Variants in IQCE observed in about 807,000 individuals in gnomAD.
The protein encoded by IQCE is IQ domain-containing protein E.
In IQCE, 115 loss-of-function variants were observed where a neutral mutation model predicts 96.0. That is an observed-to-expected ratio of 1.20 (90% confidence interval 1.03 to 1.40). The LOEUF (loss-of-function observed/expected upper bound fraction) is 1.40. Among genes scored for constraint, IQCE ranks in the 40% most tolerant of loss-of-function variants. The probability of loss-of-function intolerance (pLI) is 0.00; values close to 1 mark genes in which losing one functional copy is unlikely to be tolerated. For synonymous variants in IQCE, 412 were observed against 371.2 expected (o/e 1.11, Z -1.26); for missense variants, 1,041 against 909.1 (o/e 1.15, Z -1.87).
At chr7:2,582,764 C>A in intron 9 of IQCE, 114 bp downstream of exon 9, 1 of 850,294 alleles carries the variant, frequency 1.2e-6, no homozygotes, top group East Asian at 2.7e-5. Flanking sequence ...CAGCCCAAAG[C>A]CGAAGGTGAA....
chr7:2,607,878 C>A (rs1308061799), intron 21 of IQCE, among the ~76,000 whole-genome samples: 3 of 152,190 alleles, frequency 2.0e-5, no homozygotes, highest in Non-Finnish European at 4.4e-5. Flanking sequence ...TGTTGAGACT[C>A]GGGACTGTCG....
intron 18 of IQCE, among the ~76,000 whole-genome samples, chr7:2,603,411 AG>A (rs1784569354): frequency 6.6e-6 from 1 of 152,122 alleles, no homozygotes; most frequent in African/African-American, 2.4e-5. Context: ...TGAGCGGGTG[AG>A]GGGATCCGGG....
At chr7:2,602,170 G>T (rs189575047) in intron 18 of IQCE, among the ~76,000 whole-genome samples, 21 of 152,146 alleles carry the variant, frequency 1.4e-4, no homozygotes, top group African/African-American at 4.8e-4. Context: ...GGTGGGCCTC[G>T]CAGGATACAT....
At chr7:2,569,920 G>A (rs1009580020) in intron 3 of IQCE, among the ~76,000 whole-genome samples, 1 of 152,156 alleles carries the variant, frequency 6.6e-6, no homozygotes, top group Admixed American at 6.5e-5. Flanking sequence ...CTAGCAATTT[G>A]GATTTTTGAT....
At chr7:2,604,441 A>G (rs1312438495) in intron 18 of IQCE, among the ~76,000 whole-genome samples, 1 of 152,240 alleles carries the variant, frequency 6.6e-6, no homozygotes, top group Non-Finnish European at 1.5e-5. Flanking sequence ...TTCAGGATAA[A>G]TAATTCTCTT....
In IQCE at chr7:2,586,718, G is replaced by A. The variant is rs1041102730; in HGVS notation, c.988+347G>A. Among the ~76,000 whole-genome samples, 13 of 152,340 alleles carry A rather than the reference G, an allele frequency of 8.5e-5. No individual in the cohort carries two copies. The South Asian group carries it at 1.0e-3, about 12-fold the overall frequency. Reference sequence around the variant, plus strand: ...CAGGTGGTGTGTGCAGCTGCAAGCAGGGTTGACAGGAAGGCACCCCCAAGA... The same window carrying A: ...CAGGTGGTGTGTGCAGCTGCAAGCAAGGTTGACAGGAAGGCACCCCCAAGA... On this transcript the variant is annotated intron_variant, in intron 12 of 21. Transcript: ENST00000402050.
rs1404655611 is a variant in IQCE, at chr7:2,602,179, A to G, written c.1632+715A>G. ...ATGCAAGGTGGGCCTCGCAGGATAC[A>G]TCAGAGCTCACTGGACCGGGAAGTG... On this transcript the variant is annotated intron_variant, in intron 18 of 21. Coordinates refer to ENST00000402050, the MANE Select transcript of IQCE (RefSeq NM_152558.5). Among the ~76,000 whole-genome samples the G allele has an allele frequency of 1.3e-5, 2 of 152,142 alleles. 1 individual carries two copies. Among genetic ancestry groups the G allele is most frequent in the East Asian group, 3.9e-4 (2 of 5,180 alleles).
intron 1 of IQCE, among the ~76,000 whole-genome samples, chr7:2,563,376 T>TTTGA (rs1781112873): frequency 4.3e-5 from 1 of 23,494 alleles, no homozygotes; most frequent in South Asian, 1.2e-3. Context: ...AATTTTTTGT[T>TTTGA]GTGTGTGTGT....
chr7:2,587,235 C>T (rs1049184267), intron 12 of IQCE, among the ~76,000 whole-genome samples: 3 of 150,930 alleles, frequency 2.0e-5, no homozygotes, highest in Non-Finnish European at 4.4e-5. Flanking sequence ...GGGGAAAGGC[C>T]ACGGGAGGTC....
At chr7:2,601,749 C>T (rs533506325) in intron 18 of IQCE, 71 of 371,178 alleles carry the variant, frequency 1.9e-4, no homozygotes, top group African/African-American at 1.2e-3. Flanking sequence ...GGGGTTTCTC[C>T]GTGTTGGCCA....
At chr7:2,591,364 A>G (rs1231416360) in intron 14 of IQCE, among the ~76,000 whole-genome samples, 1 of 152,050 alleles carries the variant, frequency 6.6e-6, no homozygotes, top group Non-Finnish European at 1.5e-5. Flanking sequence ...GTGGCCGTGG[A>G]ACACCCGGCC....
intron 1 of IQCE, among the ~76,000 whole-genome samples, chr7:2,562,455 T>C (rs187112879): frequency 1.5e-4 from 23 of 152,194 alleles, no homozygotes; most frequent in Admixed American, 1.4e-3. Flanking sequence ...TTGGGAAGCA[T>C]TTCCTTCTTT....
intron 21 of IQCE, among the ~76,000 whole-genome samples, chr7:2,607,975 GGGCTTT>G (rs1784951194): frequency 6.6e-6 from 1 of 152,188 alleles, no homozygotes; most frequent in African/African-American, 2.4e-5. Context: ...GTCAGGCGAA[GGGCTTT>G]GCTGTGCTGA....
intron 20 of IQCE, 108 bp downstream of exon 20, chr7:2,606,105 C>T (rs755527805): frequency 3.6e-4 from 473 of 1,305,624 alleles, no homozygotes; most frequent in Non-Finnish European, 4.6e-4. Flanking sequence ...ACTGGAGCAG[C>T]GCCTGCCGCC....
chr7:2,569,618 C>T (rs556252940), intron 3 of IQCE, among the ~76,000 whole-genome samples: 1 of 152,256 alleles, frequency 6.6e-6, no homozygotes, highest in African/African-American at 2.4e-5. Context: ...TACAGCAGCC[C>T]GTGTGCCGAC....
At chr7:2,569,832 A>G (rs762443707) in intron 3 of IQCE, among the ~76,000 whole-genome samples, 6 of 152,236 alleles carry the variant, frequency 3.9e-5, no homozygotes, top group African/African-American at 1.2e-4. Context: ...CAAGGAAAAC[A>G]TAATTAGGTA....
rs750256672 is a variant in IQCE at position 2,598,607 on chromosome 7, C to T, written c.1583C>T (p.Ala528Val). Residue 528 changes from alanine (A) to valine (V), a missense_variant, in exon 17 of 22, where the codon GCC (alanine) becomes GTC (valine). Transcript: ENST00000402050. ...RRDAAARVLQ[A>V]QWKVYKHKKK... ...GACGCCGCGGCCAGAGTCCTGCAGGCCCAGTGGAAGGTGTACAAGCACAAG... is the reference window on the plus strand; with the variant it reads ...GACGCCGCGGCCAGAGTCCTGCAGGTCCAGTGGAAGGTGTACAAGCACAAG... 15 of 1,585,074 alleles carry T rather than the reference C, an allele frequency of 9.5e-6. No homozygotes were observed. The African/African-American group carries it at 1.1e-4, about 11-fold the overall frequency.
chr7:2,585,494 G>A (rs1783026472), intron 11 of IQCE, among the ~76,000 whole-genome samples: 1 of 152,270 alleles, frequency 6.6e-6, no homozygotes, highest in Non-Finnish European at 1.5e-5. Flanking sequence ...CGTCTCCACG[G>A]GGGCCCACAC....
At position 2,613,445 on chromosome 7, in the gene IQCE, G is replaced by A. The variant is rs1393244252; in HGVS notation, c.*3283G>A. ...GCACAGCTCTTAGGAGGCCTTTGTA[G>A]GACGCTGTCTCCCCAGCGTGTCCTG... On this transcript the variant is annotated 3_prime_UTR_variant, in exon 22 of 22. Transcript: ENST00000402050. 1 of 152,214 alleles carries A rather than the reference G, an allele frequency of 6.6e-6. No individual in the cohort carries two copies. Among genetic ancestry groups the A allele is most frequent in the Non-Finnish European group, 1.5e-5 (1 of 68,028 alleles). The allele number at this position is 152,214 out of a possible 1,614,324, so 9.4% of individuals were successfully genotyped here.
Sources: allele counts gnomAD v4.1 joint callset (sites outside exome capture counted in the v4.1 genomes callset), GRCh38; gene constraint gnomAD v4.1.1; transcripts MANE v1.5; gene names NCBI Gene and HGNC (gene_info 2026-07-23, HGNC 2026-07-21).